Variants in MPHOSPH9 observed in about 807,000 individuals in gnomAD.
MPHOSPH9 encodes M-phase phosphoprotein 9.
MPHOSPH9 carries 88 observed loss-of-function variants against 145.5 expected under a neutral mutation model. The observed-to-expected ratio is 0.60, with a 90% CI of 0.51 to 0.72. The LOEUF is 0.72. MPHOSPH9 is among the 30% of genes least tolerant of loss of function. MPHOSPH9 has a pLI of 0.00. For missense variants in MPHOSPH9, 1,238 were observed against 1,386.6 expected (o/e 0.89, Z 1.70); for synonymous variants, 435 against 486.2 (o/e 0.89, Z 1.39).
Position 123,202,788 on chromosome 12 carries a change from T to A in MPHOSPH9, c.1617A>T (p.Val539=). Residue 539 remains valine, a synonymous_variant, in exon 10 of 24, where the codon GTA becomes GTT. Transcript: ENST00000606320. ...ESRTSSTFPS[V]YTITSNDISV... ...AGATATCATTACTAGTAATGGTATA[T>A]ACTGACGGAAACGTGGAACTGGTCC... 6.2e-7 allele frequency: 1 copy of A among 1,614,232 alleles called. No individual in the cohort carries two copies. Among genetic ancestry groups the A allele is most frequent in the Non-Finnish European group, 8.5e-7 (1 of 1,180,044 alleles).
intron 8 of MPHOSPH9, among the ~76,000 whole-genome samples, chr12:123,205,736 T>C (rs1285141514): frequency 6.6e-6 from 1 of 152,188 alleles, no homozygotes; most frequent in Non-Finnish European, 1.5e-5. Flanking sequence ...AATAGAAAAG[T>C]ACCACTTTTC....
At chr12:123,207,146 T>TAAAAAA (rs35392378) in intron 8 of MPHOSPH9, among the ~76,000 whole-genome samples, 3 of 114,576 alleles carry the variant, frequency 2.6e-5, no homozygotes, top group East Asian at 2.7e-4. Flanking sequence ...CTAAAGTGGT[T>TAAAAAA]AAAAAAAAAA....
intron 8 of MPHOSPH9, among the ~76,000 whole-genome samples, chr12:123,204,843 C>CCTT (rs1314503082): frequency 6.6e-6 from 1 of 152,116 alleles, no homozygotes; most frequent in African/African-American, 2.4e-5. Flanking sequence ...CCACTGTACT[C>CCTT]CTTCACTCTA....
chr12:123,186,020 T>C (rs1331024928), intron 13 of MPHOSPH9, among the ~76,000 whole-genome samples: 1 of 151,036 alleles, frequency 6.6e-6, no homozygotes, highest in Non-Finnish European at 1.5e-5. Flanking sequence ...AGGTCAGGAG[T>C]TCGAGACCAG....
rs1395334399 is a variant in MPHOSPH9, at chr12:123,155,539, A to C, written c.*1268T>G. 1 of 152,262 alleles carries C rather than the reference A, an allele frequency of 6.6e-6. No homozygotes were observed. The highest frequency in any genetic ancestry group is 6.5e-5 in the Admixed American group (1 of 15,288). The allele number at this position is 152,262 out of a possible 1,614,324, so 9.4% of individuals were successfully genotyped here. On this transcript the variant is annotated 3_prime_UTR_variant, in exon 24 of 24. Coordinates refer to ENST00000606320, the MANE Select transcript of MPHOSPH9 (RefSeq NM_022782.4). The stretch of plus-strand genomic sequence containing the variant: ...GCAAACCAAAATTTAAAACCTGAGC[A>C]TGTTTAGTACGAATCCATTTTGAAA...
intron 8 of MPHOSPH9, among the ~76,000 whole-genome samples, chr12:123,209,561 C>T (rs2046606409): frequency 6.6e-6 from 1 of 151,830 alleles, no homozygotes; most frequent in Non-Finnish European, 1.5e-5. Flanking sequence ...GCACACGCCA[C>T]CAAGTCTGGT....
At position 123,156,811 on chromosome 12, in the gene MPHOSPH9, A is replaced by G; in HGVS notation, c.3548T>C (p.Leu1183Pro). 1 of 1,609,870 alleles carries G rather than the reference A, an allele frequency of 6.2e-7. No individual in the cohort carries two copies. Among genetic ancestry groups the G allele is most frequent in the Non-Finnish European group, 8.5e-7 (1 of 1,177,014 alleles). Residue 1183 changes from leucine (L) to proline (P), a missense_variant, in exon 24 of 24, where the codon CTT (leucine) becomes CCT (proline). Transcript: ENST00000606320. ...AAAATTTAATGGCTACAAATCTCAA[A>G]GATTTGCAGAGGTGCGCAAAACATG... ...KFHVLRTSANL is the reference protein window; with the variant it reads ...KFHVLRTSANP
intron 3 of MPHOSPH9, among the ~76,000 whole-genome samples, chr12:123,226,517 T>A (rs1281209786): frequency 2.0e-5 from 3 of 151,008 alleles, no homozygotes; most frequent in Non-Finnish European, 4.4e-5. Context: ...AAAATTTATA[T>A]ATACTTTTTT....
chr12:123,177,335 C>T (rs942600492), intron 15 of MPHOSPH9, among the ~76,000 whole-genome samples: 1 of 151,828 alleles, frequency 6.6e-6, no homozygotes, highest in Non-Finnish European at 1.5e-5. Flanking sequence ...GGAGTTCGAG[C>T]CCAGCCTGGC....
upstream of MPHOSPH9, among the ~76,000 whole-genome samples, chr12:123,236,630 T>G (rs10772998): frequency 0.64 from 97,043 of 151,934 alleles, 35,439 homozygotes; most frequent in East Asian, 1. Flanking sequence ...CTTTGGTTTG[T>G]ATATGTTTAA....
At chr12:123,176,891 A>T (rs2044893796) in intron 15 of MPHOSPH9, 102 bp from the exon 16 acceptor site, 1 of 891,586 alleles carries the variant, frequency 1.1e-6, no homozygotes, top group African/African-American at 1.7e-5. Context: ...AATGGGTGGT[A>T]AAAGAGTTGC....
chr12:123,181,066 G>T, intron 14 of MPHOSPH9, 97 bp downstream of exon 14: 1 of 1,137,178 alleles, frequency 8.8e-7, no homozygotes, highest in Non-Finnish European at 1.3e-6. Context: ...GGAGGTTCAG[G>T]AAGGGGTGCA....
At chr12:123,202,517 C>T (rs2046264748) in intron 10 of MPHOSPH9, 107 bp downstream of exon 10, 11 of 1,270,296 alleles carry the variant, frequency 8.7e-6, no homozygotes, top group Admixed American at 2.9e-5. Flanking sequence ...CTTAAAAATG[C>T]TAAATCTCTA....
chr12:123,241,143 T>TG (rs1488302030), intron 1 of MPHOSPH9, among the ~76,000 whole-genome samples: 84 of 128,682 alleles, frequency 6.5e-4, no homozygotes, highest in African/African-American at 1.9e-3. Flanking sequence ...TTGGGGTTGT[T>TG]TTTTTTTTGT....
In MPHOSPH9 at chr12:123,221,252, T is replaced by G. The variant is rs1009916258; in HGVS notation, c.872+120A>C. ...TATAGTGTGCTTTGTTTATTTCAAT[T>G]TTCTACAGGCAATGAACTGATAAAT... On this transcript the variant is annotated intron_variant, in intron 5 of 23. Coordinates refer to ENST00000606320, the MANE Select transcript of MPHOSPH9 (RefSeq NM_022782.4). The G allele has an allele frequency of 8.4e-6, 7 of 832,338 alleles. No homozygotes were observed. The African/African-American group carries it at 1.0e-4, about 12-fold the overall frequency. The allele number at this position is 832,338 out of a possible 1,614,324, so 51.6% of individuals were successfully genotyped here. A position where few individuals can be genotyped will look rare whatever the true frequency, so the allele number is the denominator to read the frequency against.
intron 7 of MPHOSPH9, among the ~76,000 whole-genome samples, chr12:123,210,507 A>G (rs1032434463): frequency 2.6e-5 from 4 of 151,972 alleles, no homozygotes; most frequent in Non-Finnish European, 5.9e-5. Flanking sequence ...AGCCTGGCCA[A>G]CGTGGTGAAG....
intron 13 of MPHOSPH9, among the ~76,000 whole-genome samples, chr12:123,190,813 G>A (rs186451523): frequency 1.3e-5 from 2 of 152,144 alleles, no homozygotes; most frequent in Admixed American, 1.3e-4. Flanking sequence ...AGAAGACAGT[G>A]TTTCACTCTA....
chr12:123,224,693 G>A (rs1039961354), intron 3 of MPHOSPH9, among the ~76,000 whole-genome samples: 1 of 152,148 alleles, frequency 6.6e-6, no homozygotes, highest in Non-Finnish European at 1.5e-5. Context: ...CGGATCATAG[G>A]GCAGTCCCCC....
chr12:123,172,411 GAACC>G (rs2044623742), intron 16 of MPHOSPH9, among the ~76,000 whole-genome samples: 1 of 151,562 alleles, frequency 6.6e-6, no homozygotes, highest in African/African-American at 2.4e-5. Context: ...TGGCTCACTG[GAACC>G]TCCGCCTTCC....
Sources: gnomAD v4.1 joint callset for allele counts (sites outside exome capture counted in the v4.1 genomes callset) on GRCh38, gnomAD v4.1.1 for gene constraint, MANE v1.5 for transcripts, NCBI Gene and HGNC (gene_info 2026-07-23, HGNC 2026-07-21) for gene names.